Variants in WWOX observed in about 807,000 individuals in gnomAD.
The protein encoded by WWOX is WW domain-containing oxidoreductase.
Under a neutral mutation model 46.2 loss-of-function variants are expected in WWOX, and 69 were observed. The observed-to-expected ratio is 1.49, with a 90% CI of 1.23 to 1.82. The LOEUF is 1.82. Among genes scored for constraint, WWOX ranks in the 40% most tolerant of loss-of-function variants. The pLI is 0.00. For synonymous variants in WWOX, 359 were observed against 202.6 expected (o/e 1.77, Z -6.56); for missense variants, 919 against 542.6 (o/e 1.69, Z -6.89).
At chr16:78,565,264 C>G (rs114252663) in intron 8 of WWOX, among the ~76,000 whole-genome samples, 7 of 152,198 alleles carry the variant, frequency 4.6e-5, no homozygotes, top group Non-Finnish European at 1.0e-4. Context: ...ACAACACATG[C>G]TTATCATGTT....
chr16:78,821,885 A>C (rs1282399111), intron 8 of WWOX, among the ~76,000 whole-genome samples: 2 of 152,086 alleles, frequency 1.3e-5, no homozygotes, highest in African/African-American at 2.4e-5. Context: ...ATTAAAATAA[A>C]CTTTTTTTTT....
intron 8 of WWOX, among the ~76,000 whole-genome samples, chr16:78,693,305 A>G (rs1191032237): frequency 6.6e-6 from 1 of 151,892 alleles, no homozygotes; most frequent in Non-Finnish European, 1.5e-5. Context: ...CCCCACCACT[A>G]CCCACAGGAC....
intron 5 of WWOX, among the ~76,000 whole-genome samples, chr16:78,356,832 A>C (rs1269866009): frequency 6.6e-6 from 1 of 152,186 alleles, no homozygotes; most frequent in Non-Finnish European, 1.5e-5. Flanking sequence ...AAGTGAGCTG[A>C]GATGGCACCA....
At chr16:78,680,004 T>C (rs1478624290) in intron 8 of WWOX, among the ~76,000 whole-genome samples, 1 of 152,238 alleles carries the variant, frequency 6.6e-6, no homozygotes, top group East Asian at 1.9e-4. Flanking sequence ...ACTGACTCCA[T>C]GCGCTCCTAT....
chr16:78,976,755 C>A (rs371877316), intron 8 of WWOX, among the ~76,000 whole-genome samples: 1 of 152,206 alleles, frequency 6.6e-6, no homozygotes, highest in Non-Finnish European at 1.5e-5. Flanking sequence ...GGTCTTTTTA[C>A]TGCAACTACC....
intron 5 of WWOX, among the ~76,000 whole-genome samples, chr16:78,182,514 G>A (rs1020785946): frequency 2.0e-5 from 3 of 151,888 alleles, no homozygotes; most frequent in African/African-American, 7.3e-5. Context: ...CTCTGTTCAA[G>A]GGTATCTTTC....
chr16:78,649,379 G>C (rs967138514), intron 8 of WWOX, among the ~76,000 whole-genome samples: 4 of 152,106 alleles, frequency 2.6e-5, no homozygotes, highest in East Asian at 1.9e-4. Flanking sequence ...TAGGTCCCGG[G>C]CTCAAGCGAT....
At chr16:78,884,295 A>AAAG (rs1567625306) in intron 8 of WWOX, among the ~76,000 whole-genome samples, 1 of 52,160 alleles carries the variant, frequency 1.9e-5, no homozygotes, top group Non-Finnish European at 4.4e-5. Context: ...AAAAAAAAAC[A>AAAG]AAAGACCATT....
intron 8 of WWOX, among the ~76,000 whole-genome samples, chr16:78,614,676 C>CT (rs1567437638): frequency 6.6e-6 from 1 of 152,210 alleles, no homozygotes; most frequent in African/African-American, 2.4e-5. Flanking sequence ...AGGGCCTCGC[C>CT]TTTTTGATAC....
intron 8 of WWOX, among the ~76,000 whole-genome samples, chr16:79,112,632 T>A (rs773177534): frequency 1.3e-5 from 2 of 152,228 alleles, no homozygotes; most frequent in Non-Finnish European, 2.9e-5. Context: ...TCCCACTGCA[T>A]AAAAGATTAA....
rs147045520 is a variant in WWOX, at chr16:78,919,981, C to G, written c.1057-291627C>G. ...ACACGTAAGCTTATTTACGGTTTGC[C>G]TCCTTCTCATGCTTTTGGAAGGGAA... On this transcript the variant is annotated intron_variant, in intron 8 of 8. Transcript: ENST00000566780. Among the ~76,000 whole-genome samples the G allele has an allele frequency of 3.3e-5, 5 of 152,308 alleles. No individual in the cohort carries two copies. The East Asian group carries it at 7.7e-4, about 24-fold the overall frequency.
At chr16:78,922,267 G>C (rs1217853398) in intron 8 of WWOX, among the ~76,000 whole-genome samples, 1 of 152,132 alleles carries the variant, frequency 6.6e-6, no homozygotes, top group Non-Finnish European at 1.5e-5. Flanking sequence ...GGTTACATGG[G>C]TGTAGTTAGG....
chr16:78,138,223 A>G (rs552881131), intron 4 of WWOX, among the ~76,000 whole-genome samples: 2 of 151,048 alleles, frequency 1.3e-5, no homozygotes, highest in African/African-American at 4.9e-5. Flanking sequence ...CTGACAGCAC[A>G]GTCTGCTGTT....
intron 8 of WWOX, among the ~76,000 whole-genome samples, chr16:78,679,797 C>G (rs1006542766): frequency 3.3e-5 from 5 of 152,230 alleles, no homozygotes; most frequent in African/African-American, 1.2e-4. Context: ...AACAGCAGCA[C>G]TCTTGCTGCC....
intron 8 of WWOX, among the ~76,000 whole-genome samples, chr16:78,663,659 T>C (rs951645396): frequency 5.3e-5 from 8 of 152,232 alleles, no homozygotes; most frequent in African/African-American, 1.9e-4. Context: ...ACATCCAGGA[T>C]GTGTCTTGAC....
chr16:78,791,881 A>AAAC (rs577055974), intron 8 of WWOX, among the ~76,000 whole-genome samples: 174 of 152,174 alleles, frequency 1.1e-3, no homozygotes, highest in African/African-American at 1.7e-3. Context: ...TTTGTCTCAA[A>AAAC]AACAACAACA....
intron 5 of WWOX, among the ~76,000 whole-genome samples, chr16:78,195,821 C>CAAAAAAAAAAA (rs148609646): frequency 1.1e-4 from 8 of 75,994 alleles, no homozygotes; most frequent in Non-Finnish European, 1.7e-4. Context: ...GACTCTGCCT[C>CAAAAAAAAAAA]AAAAAAAAAA....
At chr16:79,082,347 T>C (rs1395460426) in intron 8 of WWOX, among the ~76,000 whole-genome samples, 1 of 152,128 alleles carries the variant, frequency 6.6e-6, no homozygotes. Flanking sequence ...AGAGCATCCA[T>C]CTCCTTTGTA....
At chr16:78,134,053 G>A (rs2033703059) in intron 4 of WWOX, among the ~76,000 whole-genome samples, 1 of 152,140 alleles carries the variant, frequency 6.6e-6, no homozygotes, top group African/African-American at 2.4e-5. Flanking sequence ...TGTATGGTAC[G>A]GCTCTATGTG....
Sources: gnomAD v4.1 joint callset for allele counts (sites outside exome capture counted in the v4.1 genomes callset) on GRCh38, gnomAD v4.1.1 for gene constraint, MANE v1.5 for transcripts, NCBI Gene and HGNC (gene_info 2026-07-23, HGNC 2026-07-21) for gene names.